EDEM3: variants seen among roughly 807,000 people sequenced by gnomAD.
EDEM3 encodes the protein ER degradation-enhancing alpha-mannosidase-like protein 3.
In EDEM3, 60 loss-of-function variants were observed where a neutral mutation model predicts 110.2. That is an observed-to-expected ratio of 0.54 (90% confidence interval 0.44 to 0.67). EDEM3 has a LOEUF of 0.67. EDEM3 is among the 30% of genes least tolerant of loss of function. EDEM3 has a pLI of 0.00. For synonymous variants in EDEM3, 352 were observed against 382.9 expected, an observed-to-expected ratio of 0.92 and a Z score of 0.94; for missense variants, 996 against 1,121.0, an observed-to-expected ratio of 0.89 and a Z score of 1.59.
At chr1:184,710,908 C>G (rs949913647) in intron 15 of EDEM3, among the ~76,000 whole-genome samples, 2 of 152,108 alleles carry the variant, frequency 1.3e-5, no homozygotes, top group African/African-American at 4.8e-5. Context: ...ATACTTGCAT[C>G]AGTGAATAAT....
At chr1:184,754,117 T>C (rs1652944295) in intron 1 of EDEM3, among the ~76,000 whole-genome samples, 1 of 152,222 alleles carries the variant, frequency 6.6e-6, no homozygotes, top group African/African-American at 2.4e-5. Flanking sequence ...GAAGCTCACT[T>C]GCGCGAGAAA....
chr1:184,700,458 A>G (rs1176059487), intron 19 of EDEM3, among the ~76,000 whole-genome samples: 1 of 152,000 alleles, frequency 6.6e-6, no homozygotes, highest in Non-Finnish European at 1.5e-5. Context: ...GTAATGGTAC[A>G]ATATGGCCTG....
intron 2 of EDEM3, among the ~76,000 whole-genome samples, chr1:184,739,408 A>G (rs1652012442): frequency 6.6e-6 from 1 of 150,654 alleles, no homozygotes; most frequent in Non-Finnish European, 1.5e-5. Context: ...TCAATAAACC[A>G]TTATTTTATT....
intron 19 of EDEM3, among the ~76,000 whole-genome samples, chr1:184,695,237 G>C (rs1649267128): frequency 6.6e-6 from 1 of 151,980 alleles, no homozygotes; most frequent in African/African-American, 2.4e-5. Context: ...CTCTGCCTCT[G>C]TGATGCAGTT....
At chr1:184,704,970 T>G (rs1292875570) in intron 18 of EDEM3, among the ~76,000 whole-genome samples, 1 of 151,856 alleles carries the variant, frequency 6.6e-6, no homozygotes, top group African/African-American at 2.4e-5. Context: ...CTCGGGAGAC[T>G]GAGGCAGGGA....
rs747860026 is a variant in EDEM3, at chr1:184,717,639, T to A, written c.1162-16A>T. The stretch of plus-strand genomic sequence containing the variant: ...TGGTAAATGCCTGAACAAAACAACA[T>A]ACAAAAGGCATAAAAAATGTGATTA... On this transcript the variant is annotated splice_polypyrimidine_tract_variant and intron_variant, in intron 11 of 19. Transcript: ENST00000318130. 123 of 1,576,366 alleles carry A rather than the reference T, an allele frequency of 7.8e-5. No homozygotes were observed. Among genetic ancestry groups the A allele is most frequent in the Non-Finnish European group, 1.0e-4 (116 of 1,164,978 alleles).
At chr1:184,694,764 C>T (rs9425635) in intron 19 of EDEM3, among the ~76,000 whole-genome samples, 61,309 of 151,714 alleles carry the variant, frequency 0.4, 12,906 homozygotes, top group East Asian at 0.59. Flanking sequence ...CCAAGAAGTA[C>T]GCTAACCAAT....
intron 4 of EDEM3, 123 bp downstream of exon 4, chr1:184,736,884 AAAAGATTTATTTAGAAGC>A: frequency 1.5e-6 from 1 of 668,818 alleles, no homozygotes; most frequent in Non-Finnish European, 2.5e-6. Flanking sequence ...TCAACAGTGT[AAAAGATTTATTTAGAAGC>A]AAAGATCAGA....
chr1:184,698,833 A>T (rs541896915), intron 19 of EDEM3, among the ~76,000 whole-genome samples: 1 of 151,994 alleles, frequency 6.6e-6, no homozygotes, highest in South Asian at 2.1e-4. Context: ...GAAGATGCCC[A>T]TGGAAGAAAA....
chr1:184,724,185 T>C (rs937028899), intron 7 of EDEM3, among the ~76,000 whole-genome samples: 2 of 152,098 alleles, frequency 1.3e-5, no homozygotes, highest in East Asian at 1.9e-4. Flanking sequence ...ACATGTATTA[T>C]TAAATTATAT....
intron 4 of EDEM3, among the ~76,000 whole-genome samples, chr1:184,735,049 G>C (rs942182805): frequency 1.3e-5 from 2 of 152,114 alleles, no homozygotes; most frequent in African/African-American, 4.8e-5. Context: ...TTTCTTCAAG[G>C]CATGTTCAAT....
At position 184,711,713 on chromosome 1, in the gene EDEM3, T is replaced by C. The variant is rs1048878379; in HGVS notation, c.1691+10A>G. ...TTTGATATTAGAAAATATAAAATAATACATCTTACACTCTGATGATGCCTC... is the reference window on the plus strand; with the variant it reads ...TTTGATATTAGAAAATATAAAATAACACATCTTACACTCTGATGATGCCTC... On this transcript the variant is annotated intron_variant, in intron 15 of 19. Transcript: ENST00000318130. The C allele has an allele frequency of 6.4e-7, 1 of 1,568,190 alleles. No homozygotes were observed. The highest frequency in any genetic ancestry group is 2.0e-5 in the Admixed American group (1 of 50,190).
At chr1:184,744,249 A>AAAAT (rs1269022771) in intron 2 of EDEM3, among the ~76,000 whole-genome samples, 1 of 87,594 alleles carries the variant, frequency 1.1e-5, no homozygotes, top group Admixed American at 1.4e-4. Flanking sequence ...ACAAATGACA[A>AAAAT]ATATATATAT....
At chr1:184,701,163 G>C (rs190008097) in intron 19 of EDEM3, among the ~76,000 whole-genome samples, 2 of 152,006 alleles carry the variant, frequency 1.3e-5, no homozygotes, top group Admixed American at 1.3e-4. Flanking sequence ...ACACACATGA[G>C]CTTTTAAAAC....
rs763613914 is a variant in EDEM3, at chr1:184,754,680, G to C, written c.-34C>G. The C allele has an allele frequency of 6.6e-7, 1 of 1,506,980 alleles. No homozygotes were observed. The highest frequency in any genetic ancestry group is 8.9e-7 in the Non-Finnish European group (1 of 1,129,866). The allele number at this position is 1,506,980 out of a possible 1,614,324, so 93.4% of individuals were successfully genotyped here. A position where few individuals can be genotyped will look rare whatever the true frequency, so the allele number is the denominator to read the frequency against. On this transcript the variant is annotated 5_prime_UTR_variant, in exon 1 of 20. Transcript: ENST00000318130. ...GGTTCCGCGCACGCGCAGCTGCTACGCCCGGCCGGTGAGACACATTGCTGG... is the reference window on the plus strand; with the variant it reads ...GGTTCCGCGCACGCGCAGCTGCTACCCCCGGCCGGTGAGACACATTGCTGG...
intron 18 of EDEM3, among the ~76,000 whole-genome samples, chr1:184,704,148 C>T (rs1008896818): frequency 6.6e-6 from 1 of 152,094 alleles, no homozygotes; most frequent in Non-Finnish European, 1.5e-5. Flanking sequence ...TAATCCATTT[C>T]TGTGTAGTGA....
intron 6 of EDEM3, among the ~76,000 whole-genome samples, chr1:184,729,749 T>G (rs1651394871): frequency 6.6e-6 from 1 of 152,194 alleles, no homozygotes; most frequent in South Asian, 2.1e-4. Context: ...TTTTTAAAAT[T>G]TTCTTGACAC....
At chr1:184,737,176 T>G in intron 3 of EDEM3, 112 bp from the exon 4 acceptor site, 1 of 875,902 alleles carries the variant, frequency 1.1e-6, no homozygotes, top group Non-Finnish European at 1.8e-6. Flanking sequence ...AAATTAGTAC[T>G]TCCATGTATC....
intron 18 of EDEM3, 140 bp downstream of exon 18, chr1:184,706,503 T>C (rs780677007): frequency 6.4e-6 from 4 of 620,266 alleles, no homozygotes; most frequent in African/African-American, 1.9e-5. Flanking sequence ...TAAAAGTCAT[T>C]GGATTACCTA....
Sources: allele counts gnomAD v4.1 joint callset (sites outside exome capture counted in the v4.1 genomes callset), GRCh38; gene constraint gnomAD v4.1.1; transcripts MANE v1.5; gene names NCBI Gene and HGNC (gene_info 2026-07-23, HGNC 2026-07-21).